OR7E24: variants seen among roughly 807,000 people sequenced by gnomAD.
The protein encoded by OR7E24 is olfactory receptor 7E24.
For synonymous variants in OR7E24, 130 were observed against 157.5 expected, an observed-to-expected ratio of 0.83 and a Z score of 1.31; for missense variants, 385 against 410.3, an observed-to-expected ratio of 0.94 and a Z score of 0.53.
the OR7E24 span, chr19:9,207,334 C>T: frequency 1.3e-5 from 2 of 152,076 alleles, no homozygotes; most frequent in South Asian, 4.1e-4. Flanking sequence ...GGGGTAGGTA[C>T]ACAAAGTTAT....
At chr19:9,229,053 C>T in the OR7E24 span, among the ~76,000 whole-genome samples, 2,129 of 152,210 alleles carry the variant, frequency 0.014, 56 homozygotes, top group African/African-American at 0.047. Flanking sequence ...TAAATGTCTA[C>T]AGCTTTTACA....
At chr19:9,232,801 G>A in the OR7E24 span, among the ~76,000 whole-genome samples, 1 of 152,076 alleles carries the variant, frequency 6.6e-6, no homozygotes, top group Admixed American at 6.5e-5. Context: ...GTGAGGCAGC[G>A]AACCTCAGGT....
At chr19:9,214,837 T>G in the OR7E24 span, 1 of 1,584,004 alleles carries the variant, frequency 6.3e-7, no homozygotes, top group Non-Finnish European at 8.6e-7. Flanking sequence ...TCTGCTTCCA[T>G]GTAGCTGTTG....
At chr19:9,230,202 G>A in the OR7E24 span, among the ~76,000 whole-genome samples, 2 of 151,912 alleles carry the variant, frequency 1.3e-5, no homozygotes, top group Admixed American at 6.6e-5. Context: ...GCGCCACTAC[G>A]CCTGGCTAAT....
chr19:9,247,374 T>C (rs1271261395), upstream of OR7E24: 3 of 397,960 alleles, frequency 7.5e-6, no homozygotes, highest in African/African-American at 4.1e-5. Context: ...TCCACACCTG[T>C]CGTCTGCATC....
chr19:9,241,663 C>T, the OR7E24 span, among the ~76,000 whole-genome samples: 3 of 152,100 alleles, frequency 2.0e-5, no homozygotes, highest in Non-Finnish European at 1.5e-5. Context: ...ACTTGGGAGA[C>T]TGAGGCAGGA....
At chr19:9,213,665 G>A in the OR7E24 span, 4 of 484,790 alleles carry the variant, frequency 8.3e-6, no homozygotes, top group Non-Finnish European at 1.5e-5. Context: ...TTCAACCTGG[G>A]AGGTAGAGGT....
chr19:9,216,614 CAG>C, the OR7E24 span, among the ~76,000 whole-genome samples: 1 of 151,588 alleles, frequency 6.6e-6, no homozygotes, highest in African/African-American at 2.4e-5. Flanking sequence ...TTTTTTGAGA[CAG>C]AGTCTCACTC....
chr19:9,216,085 TACTC>T, the OR7E24 span, among the ~76,000 whole-genome samples: 17 of 152,278 alleles, frequency 1.1e-4, no homozygotes, highest in South Asian at 8.3e-4. Context: ...TCATGAGACT[TACTC>T]ACTATCTCAA....
In OR7E24 at chr19:9,252,192, T is replaced by C; in HGVS notation, c.*129T>C. On this transcript the variant is annotated 3_prime_UTR_variant, in exon 1 of 1. Coordinates refer to ENST00000456448, the MANE Select transcript of OR7E24 (RefSeq NM_001079935.2). The stretch of plus-strand genomic sequence containing the variant: ...AATATTGCTTGCTTTGTTTTGTCTT[T>C]AATTGCAATGGGTGAGTATTCTGGT... The C allele has an allele frequency of 1.4e-6, 1 of 708,430 alleles. No homozygotes were observed. Among genetic ancestry groups the C allele is most frequent in the Non-Finnish European group, 2.3e-6 (1 of 432,178 alleles). 43.9% of individuals were successfully genotyped at this position (708,430 alleles called of 1,614,324 possible).
At chr19:9,233,500 T>C in the OR7E24 span, among the ~76,000 whole-genome samples, 3 of 152,216 alleles carry the variant, frequency 2.0e-5, no homozygotes, top group Admixed American at 2.0e-4. Context: ...TGTGCTTTTG[T>C]TTCCTCCTCT....
At chr19:9,216,907 A>G in the OR7E24 span, among the ~76,000 whole-genome samples, 1 of 152,140 alleles carries the variant, frequency 6.6e-6, no homozygotes, top group Non-Finnish European at 1.5e-5. Flanking sequence ...TTTTGTTTTT[A>G]ACATTACAAT....
At chr19:9,210,699 C>CACACACACACACACA in the OR7E24 span, 2 of 151,728 alleles carry the variant, frequency 1.3e-5, no homozygotes, top group African/African-American at 4.9e-5. Context: ...CACACACACA[C>CACACACACACACACA]ACACACACAA....
At chr19:9,250,235 C>G (rs1568335827), upstream of OR7E24, among the ~76,000 whole-genome samples, 1 of 152,048 alleles carries the variant, frequency 6.6e-6, no homozygotes, top group East Asian at 1.9e-4. Flanking sequence ...GCTGGGACTA[C>G]AGGGCGGCGC....
chr19:9,231,258 T>G, the OR7E24 span, among the ~76,000 whole-genome samples: 1 of 152,144 alleles, frequency 6.6e-6, no homozygotes, highest in East Asian at 1.9e-4. Flanking sequence ...TGGACTATGC[T>G]GTTGGCTGTG....
chr19:9,242,538 C>T (rs2066119107), upstream of OR7E24, among the ~76,000 whole-genome samples: 1 of 152,198 alleles, frequency 6.6e-6, no homozygotes, highest in Middle Eastern at 3.2e-3. Flanking sequence ...GCATGAGCCA[C>T]CACAGTTGGC....
At chr19:9,224,221 C>T in the OR7E24 span, among the ~76,000 whole-genome samples, 1 of 152,014 alleles carries the variant, frequency 6.6e-6, no homozygotes, top group Non-Finnish European at 1.5e-5. Flanking sequence ...TCAGATGTGC[C>T]ATTTCCACCA....
the OR7E24 span, chr19:9,208,948 T>TC: frequency 2.0e-5 from 3 of 152,326 alleles, no homozygotes; most frequent in Non-Finnish European, 4.4e-5. Flanking sequence ...CACCTCGGCC[T>TC]CCCAAAGTGC....
chr19:9,236,054 T>G, the OR7E24 span: 8 of 1,583,288 alleles, frequency 5.1e-6, no homozygotes, highest in South Asian at 7.7e-5. Context: ...CTGGGGAGAC[T>G]CCTTAGCAGG....
Sources: gnomAD v4.1 joint callset for allele counts (sites outside exome capture counted in the v4.1 genomes callset) on GRCh38, gnomAD v4.1.1 for gene constraint, MANE v1.5 for transcripts, NCBI Gene and HGNC (gene_info 2026-07-23, HGNC 2026-07-21) for gene names.